Variants in LYN observed in about 807,000 individuals in gnomAD.
LYN encodes tyrosine-protein kinase Lyn.
LYN carries 12 observed loss-of-function variants against 65.0 expected under a neutral mutation model. The observed-to-expected ratio is 0.18, with a 90% CI of 0.12 to 0.30. The LOEUF is 0.30. LYN is among the 10% of genes least tolerant of loss of function. The pLI is 1.00. For synonymous variants in LYN, 222 were observed against 221.2 expected (o/e 1.00, Z -0.03); for missense variants, 380 against 623.2 (o/e 0.61, Z 4.16).
At chr8:55,955,897 C>T (rs944238510) in intron 8 of LYN, among the ~76,000 whole-genome samples, 4 of 152,160 alleles carry the variant, frequency 2.6e-5, no homozygotes, top group African/African-American at 9.7e-5. Context: ...ATGACTATAA[C>T]AGAGTTTGTT....
intron 10 of LYN, among the ~76,000 whole-genome samples, chr8:55,974,614 G>C (rs1807701504): frequency 6.6e-6 from 1 of 152,164 alleles, no homozygotes; most frequent in Non-Finnish European, 1.5e-5. Context: ...CGTAAATCAG[G>C]CTTGAAGGGT....
At chr8:55,972,116 A>C (rs16922495) in intron 10 of LYN, among the ~76,000 whole-genome samples, 2,358 of 152,290 alleles carry the variant, frequency 0.015, 56 homozygotes, top group African/African-American at 0.053. Flanking sequence ...CTTTCCTAGC[A>C]GTGGCCCCTT....
intron 10 of LYN, among the ~76,000 whole-genome samples, chr8:55,971,549 G>T (rs1016274505): frequency 6.6e-6 from 1 of 152,242 alleles, no homozygotes; most frequent in African/African-American, 2.4e-5. Context: ...GGCCTGGAGG[G>T]CCTGAGTGGT....
chr8:55,970,627 A>G (rs1363037627), intron 10 of LYN, among the ~76,000 whole-genome samples: 1 of 152,066 alleles, frequency 6.6e-6, no homozygotes, highest in African/African-American at 2.4e-5. Flanking sequence ...TTCTTCCCTC[A>G]CACCCTCTTT....
Position 55,929,977 on chromosome 8 carries a change from G to C in LYN, c.-5-11878G>C, listed in dbSNP as rs141179582. On this transcript the variant is annotated intron_variant, in intron 1 of 12. Transcript: ENST00000519728. ...AGCAGTTGAGCAAGCATTACTGCCT[G>C]AACTCTGTCTCCTGTCAGATCAGCG... 2.5e-3 allele frequency among the ~76,000 whole-genome samples: 388 copies of C among 152,298 alleles called. 1 individual carries two copies. Among genetic ancestry groups the C allele is most frequent in the African/African-American group, 8.6e-3 (359 of 41,570 alleles).
intron 1 of LYN, among the ~76,000 whole-genome samples, chr8:55,914,522 T>C (rs963859087): frequency 1.3e-5 from 2 of 152,152 alleles, no homozygotes; most frequent in African/African-American, 4.8e-5. Flanking sequence ...CTGCTGGGAC[T>C]AGGGGCCTGG....
chr8:55,909,000 TATATATATATACACACACACACACAC>T lies in LYN; in HGVS notation c.-6+28899_-6+28924del, dbSNP rs1259990202. 7.4e-4 allele frequency among the ~76,000 whole-genome samples: 18 copies of T among 24,346 alleles called. 3 individuals are homozygous for T. The highest frequency in any genetic ancestry group is 1.0e-3 in the Admixed American group (3 of 2,892). The allele number at this position is 24,346 out of a possible 152,430, so 16.0% of individuals were successfully genotyped here. ...ATTCCATTGTGTATGTATATATATA[TATATATATATACACACACACACACAC>T]ACACACACACACACACACACACACA... On this transcript the variant is annotated intron_variant, in intron 1 of 12. Coordinates refer to ENST00000519728, the MANE Select transcript of LYN (RefSeq NM_002350.4).
chr8:55,891,689 G>A (rs1323389038), intron 1 of LYN, among the ~76,000 whole-genome samples: 1 of 152,064 alleles, frequency 6.6e-6, no homozygotes, highest in African/African-American at 2.4e-5. Context: ...TACGATACAA[G>A]TTTTATATTG....
intron 8 of LYN, among the ~76,000 whole-genome samples, chr8:55,957,694 G>T (rs1450225900): frequency 1.3e-5 from 2 of 152,186 alleles, no homozygotes; most frequent in Admixed American, 6.5e-5. Context: ...TGTAATCCTG[G>T]CACTTCGGGA....
intron 1 of LYN, among the ~76,000 whole-genome samples, chr8:55,893,424 G>A (rs1805008696): frequency 6.6e-6 from 1 of 152,242 alleles, no homozygotes. Flanking sequence ...AACTGGGTTT[G>A]TGAATTCAGT....
At chr8:56,002,581 G>A (rs371239899) in intron 12 of LYN, among the ~76,000 whole-genome samples, 5 of 150,360 alleles carry the variant, frequency 3.3e-5, no homozygotes, top group Non-Finnish European at 7.4e-5. Context: ...TAGCCTGAGC[G>A]ACAGGAAGGA....
intron 1 of LYN, among the ~76,000 whole-genome samples, chr8:55,905,192 C>A (rs545124270): frequency 3.0e-4 from 46 of 152,276 alleles, no homozygotes; most frequent in African/African-American, 1.1e-3. Flanking sequence ...AGGCGGATCA[C>A]CTGAGGTCAG....
At chr8:55,886,439 G>A (rs1384350349) in intron 1 of LYN, among the ~76,000 whole-genome samples, 1 of 151,872 alleles carries the variant, frequency 6.6e-6, no homozygotes, top group Non-Finnish European at 1.5e-5. Flanking sequence ...GTAGAGACAG[G>A]GTTTCATCAT....
chr8:55,889,593 A>G (rs1304213138), intron 1 of LYN, among the ~76,000 whole-genome samples: 1 of 152,156 alleles, frequency 6.6e-6, no homozygotes, highest in Non-Finnish European at 1.5e-5. Flanking sequence ...TTTCTATCCT[A>G]GAGGAGTTTA....
intron 1 of LYN, among the ~76,000 whole-genome samples, chr8:55,922,476 G>A (rs1236388554): frequency 1.3e-5 from 2 of 151,424 alleles, no homozygotes; most frequent in Non-Finnish European, 2.9e-5. Context: ...GACAGTCTCC[G>A]AAGAATTATA....
chr8:55,952,100 A>G lies in LYN; in HGVS notation c.622A>G (p.Ile208Val). Residue 208 changes from isoleucine (I) to valine (V), a missense_variant, in exon 7 of 13, where the codon ATT becomes GTT. Around this residue, in one of 2 missense-constraint regions of LYN, gnomAD observed 223 missense variants for 430.0 expected, o/e 0.52. Coordinates refer to ENST00000519728, the MANE Select transcript of LYN (RefSeq NM_002350.4). ...CACTTTTCCCTGTATCAGCGACATG[A>G]TTAAACATTACCAAAGTAAGTAAAA... The part of the protein sequence containing the change: ...RITFPCISDM[I>V]KHYQKQADGL... The G allele has an allele frequency of 6.3e-7, 1 of 1,591,796 alleles. No individual in the cohort carries two copies. The highest frequency in any genetic ancestry group is 8.5e-7 in the Non-Finnish European group (1 of 1,173,530).
chr8:55,968,365 C>T (rs1201268125), intron 9 of LYN, among the ~76,000 whole-genome samples: 1 of 152,188 alleles, frequency 6.6e-6, no homozygotes, highest in Non-Finnish European at 1.5e-5. Context: ...CAGTGATTCT[C>T]CTGCCTCAGC....
chr8:56,011,359 T>C lies in LYN; in HGVS notation c.*1249T>C, dbSNP rs1162658794. The C allele has an allele frequency of 3.7e-5, 8 of 217,036 alleles. No homozygotes were observed. The highest frequency in any genetic ancestry group is 7.4e-5 in the Non-Finnish European group (8 of 107,980). The allele number at this position is 217,036 out of a possible 1,614,324, so 13.4% of individuals were successfully genotyped here. ...TAATATTTCTATTTTTGATTTTATTTTAATACACCTCGTCCAATAACATCT... is the reference window on the plus strand; with the variant it reads ...TAATATTTCTATTTTTGATTTTATTCTAATACACCTCGTCCAATAACATCT... On this transcript the variant is annotated 3_prime_UTR_variant, in exon 13 of 13. Transcript: ENST00000519728.
At chr8:55,986,640 T>C (rs1287025656) in intron 10 of LYN, among the ~76,000 whole-genome samples, 10 of 152,244 alleles carry the variant, frequency 6.6e-5, no homozygotes, top group African/African-American at 9.6e-5. Flanking sequence ...CCACCAGCCC[T>C]AAGCTTGGAT....
Sources: allele counts gnomAD v4.1 joint callset (sites outside exome capture counted in the v4.1 genomes callset), GRCh38; gene constraint gnomAD v4.1.1; regional missense constraint gnomAD v4.1.1; transcripts MANE v1.5; gene names NCBI Gene and HGNC (gene_info 2026-07-23, HGNC 2026-07-21).